Variants in KAZN observed in about 807,000 individuals in gnomAD.
The protein encoded by KAZN is kazrin, periplakin interacting protein, also known as kazrin.
A neutral mutation model predicts 87.4 loss-of-function variants in KAZN; 40 were observed. That is an observed-to-expected ratio of 0.46 (90% CI 0.36 to 0.60). KAZN has a LOEUF of 0.60. Among genes scored for constraint, KAZN ranks in the 20% least tolerant of loss-of-function variants. The pLI is 0.00. For missense variants in KAZN, 898 were observed against 1,073.9 expected, an observed-to-expected ratio of 0.84 and a Z score of 2.29; for synonymous variants, 466 against 458.3, an observed-to-expected ratio of 1.02 and a Z score of -0.22.
chr1:15,089,547 C>T (rs1267401231), intron 8 of KAZN, among the ~76,000 whole-genome samples: 1 of 152,034 alleles, frequency 6.6e-6, no homozygotes, highest in Non-Finnish European at 1.5e-5. Context: ...CCCCTTATTG[C>T]CAACAATAGC....
chr1:14,536,618 A>G (rs1016540475), intron 2 of KAZN, among the ~76,000 whole-genome samples: 1 of 152,188 alleles, frequency 6.6e-6, no homozygotes, highest in Admixed American at 6.5e-5. Context: ...GTGGTGGCTC[A>G]CGCCTGTAAT....
chr1:14,492,458 C>T (rs538598777), intron 2 of KAZN, among the ~76,000 whole-genome samples: 18 of 151,666 alleles, frequency 1.2e-4, no homozygotes, highest in South Asian at 4.2e-4. Flanking sequence ...GGGAAATCAA[C>T]GGGAAGAAGA....
intron 1 of KAZN, among the ~76,000 whole-genome samples, chr1:13,975,649 G>A (rs1476032390): frequency 1.3e-5 from 2 of 152,188 alleles, no homozygotes; most frequent in East Asian, 3.8e-4. Context: ...GGATGAATGA[G>A]CCATACATTT....
At chr1:15,101,202 GTTC>G (rs1438916861) in intron 10 of KAZN, among the ~76,000 whole-genome samples, 1 of 80,836 alleles carries the variant, frequency 1.2e-5, no homozygotes, top group Non-Finnish European at 2.8e-5. Flanking sequence ...CTTCCTCTTT[GTTC>G]TTCTCTATCT....
intron 2 of KAZN, among the ~76,000 whole-genome samples, chr1:14,273,289 AG>A (rs1652095994): frequency 6.6e-6 from 1 of 152,086 alleles, no homozygotes; most frequent in African/African-American, 2.4e-5. Context: ...GTTGTCAAGC[AG>A]GAGAGAAATA....
At chr1:14,700,883 A>T (rs1240503709) in intron 1 of KAZN, among the ~76,000 whole-genome samples, 1 of 152,158 alleles carries the variant, frequency 6.6e-6, no homozygotes, top group Admixed American at 6.5e-5. Flanking sequence ...AGTTGGATAA[A>T]ATGGATCCAG....
In KAZN at chr1:14,500,986, A is replaced by G. The variant is rs149201922; in HGVS notation, c.250-97997A>G. Among the ~76,000 whole-genome samples, 22 of 152,052 alleles carry G rather than the reference A, an allele frequency of 1.4e-4. No homozygotes were observed. In the East Asian group the frequency reaches 4.2e-3, roughly 29 times the overall value. Reference sequence around the variant, plus strand: ...TCCCACAAAGAAAAGCCCAGGCCCAAATGGATTCACTGGTGAATTCTACTA... The same window carrying G: ...TCCCACAAAGAAAAGCCCAGGCCCAGATGGATTCACTGGTGAATTCTACTA... On this transcript the variant is annotated intron_variant, in intron 2 of 16. Coordinates refer to the KAZN transcript ENST00000636203.
At chr1:14,817,240 C>T (rs544531629) in intron 1 of KAZN, among the ~76,000 whole-genome samples, 1 of 152,302 alleles carries the variant, frequency 6.6e-6, no homozygotes, top group Non-Finnish European at 1.5e-5. Flanking sequence ...CGACCCCCTG[C>T]CAAATATGAG....
At chr1:14,466,536 A>G (rs1245867115) in intron 2 of KAZN, among the ~76,000 whole-genome samples, 2 of 151,930 alleles carry the variant, frequency 1.3e-5, no homozygotes, top group Non-Finnish European at 2.9e-5. Flanking sequence ...AAAAATACCT[A>G]ATATGTGCTG....
chr1:15,102,410 C>G (rs972758065), intron 11 of KAZN, among the ~76,000 whole-genome samples: 1 of 152,018 alleles, frequency 6.6e-6, no homozygotes, highest in African/African-American at 2.4e-5. Flanking sequence ...GGTGAAGGCC[C>G]AGAGGACTGA....
intron 1 of KAZN, among the ~76,000 whole-genome samples, chr1:14,886,308 A>G (rs1379840469): frequency 2.0e-5 from 3 of 152,254 alleles, no homozygotes; most frequent in Non-Finnish European, 4.4e-5. Context: ...CCGTAGCCCT[A>G]GCTACTCAGA....
intron 1 of KAZN, among the ~76,000 whole-genome samples, chr1:14,794,711 A>G (rs1050699421): frequency 2.0e-5 from 3 of 152,210 alleles, no homozygotes; most frequent in Admixed American, 2.0e-4. Context: ...GTATGGGTGT[A>G]ATGGTTAATA....
intron 1 of KAZN, among the ~76,000 whole-genome samples, chr1:14,886,777 G>A (rs1372851555): frequency 6.6e-6 from 1 of 152,138 alleles, no homozygotes; most frequent in Non-Finnish European, 1.5e-5. Flanking sequence ...GGCAACAAGA[G>A]CAAAACTCCA....
intron 1 of KAZN, among the ~76,000 whole-genome samples, chr1:14,801,093 C>G (rs1049593831): frequency 6.7e-6 from 1 of 150,210 alleles, no homozygotes; most frequent in Non-Finnish European, 1.5e-5. Context: ...AGTCACGGGG[C>G]GCAGAGGGTG....
At position 14,976,713 on chromosome 1, in the gene KAZN, CT is replaced by C. The variant is rs556685278; in HGVS notation, c.418+15839del. On this transcript the variant is annotated intron_variant, in intron 2 of 14. Transcript: ENST00000376030. Reference sequence around the variant, plus strand: ...CCGTCCTGGGACATGGACTCTCCCCCTGGGTGCCCAGCACTGGGCTGAAGAA... The same window carrying C: ...CCGTCCTGGGACATGGACTCTCCCCCGGGTGCCCAGCACTGGGCTGAAGAA... Among the ~76,000 whole-genome samples the C allele has an allele frequency of 5.2e-3, 785 of 152,310 alleles. 9 individuals are homozygous for C. Among genetic ancestry groups the C allele is most frequent in the African/African-American group, 0.018 (744 of 41,556 alleles).
At chr1:14,380,664 ACAGT>A (rs943961863) in intron 2 of KAZN, among the ~76,000 whole-genome samples, 17 of 152,308 alleles carry the variant, frequency 1.1e-4, no homozygotes, top group Non-Finnish European at 2.4e-4. Context: ...TTGAAAATAC[ACAGT>A]CAGAGGAAAC....
intron 1 of KAZN, among the ~76,000 whole-genome samples, chr1:14,033,531 C>T (rs1225613691): frequency 6.6e-6 from 1 of 152,222 alleles, no homozygotes. Context: ...AGGGACAGGG[C>T]TGCAAGCACA....
chr1:14,582,245 G>T (rs1389457756), intron 2 of KAZN, among the ~76,000 whole-genome samples: 2 of 152,126 alleles, frequency 1.3e-5, no homozygotes, highest in Admixed American at 6.5e-5. Context: ...AGCCAGGTCT[G>T]CCTGACTCCA....
chr1:14,529,773 ACGGAC>A (rs1420771658), intron 2 of KAZN, among the ~76,000 whole-genome samples: 1 of 152,224 alleles, frequency 6.6e-6, no homozygotes, highest in African/African-American at 2.4e-5. Flanking sequence ...CTGCTCAGGC[ACGGAC>A]CAGGGCATTG....
Sources: allele counts gnomAD v4.1 joint callset (sites outside exome capture counted in the v4.1 genomes callset), GRCh38; gene constraint gnomAD v4.1.1; transcripts MANE v1.5; gene names NCBI Gene and HGNC (gene_info 2026-07-23, HGNC 2026-07-21).